TENM4: variants seen among roughly 807,000 people sequenced by gnomAD.
TENM4 encodes the protein teneurin-4.
TENM4 carries 82 observed loss-of-function variants against 243.3 expected under a neutral mutation model. The ratio of observed to expected loss-of-function variants is 0.34; its 90% CI spans 0.28 to 0.40. TENM4 has a LOEUF of 0.40. TENM4 is among the 10% of genes least tolerant of loss of function. TENM4 has a pLI of 1.00. For synonymous variants in TENM4, 1,412 were observed against 1,456.3 expected, an observed-to-expected ratio of 0.97 and a Z score of 0.69; for missense variants, 3,138 against 3,673.3, an observed-to-expected ratio of 0.85 and a Z score of 3.77.
chr11:78,728,115 C>T (rs1472324785), intron 22 of TENM4, among the ~76,000 whole-genome samples: 2 of 152,136 alleles, frequency 1.3e-5, no homozygotes, highest in Non-Finnish European at 2.9e-5. Flanking sequence ...GGTTATAAGG[C>T]CTCATTTTAA....
chr11:79,135,421 C>T (rs1862088344), intron 4 of TENM4, among the ~76,000 whole-genome samples: 1 of 151,832 alleles, frequency 6.6e-6, no homozygotes, highest in African/African-American at 2.4e-5. Context: ...ACTAGTACAG[C>T]CACTATGGAA....
At chr11:79,057,853 T>C (rs1859980866) in intron 6 of TENM4, among the ~76,000 whole-genome samples, 1 of 152,152 alleles carries the variant, frequency 6.6e-6, no homozygotes, top group African/African-American at 2.4e-5. Flanking sequence ...CTTCTCTTGG[T>C]TTACCCCCAA....
chr11:79,192,163 C>G lies in TENM4; in HGVS notation c.-163+23645G>C, dbSNP rs796269961. The stretch of plus-strand genomic sequence containing the variant: ...GAGGTGGGGGGGTCAGCCCCCTGCC[C>G]GGCCAGCTGCCCGGTCTGGGAGCTG... On this transcript the variant is annotated intron_variant, in intron 3 of 33. Transcript: ENST00000278550. Among the ~76,000 whole-genome samples, 12 of 151,774 alleles carry G rather than the reference C, an allele frequency of 7.9e-5. No homozygotes were observed. In the South Asian group the frequency reaches 1.7e-3, roughly 21 times the overall value.
chr11:78,670,536 G>C lies in TENM4; in HGVS notation c.5809C>G (p.Leu1937Val), dbSNP rs192931562. The change falls in exon 32 of 34, where the codon CTA becomes GTA. Residue 1937 changes from leucine (L) to valine (V), a missense_variant. Around this residue, in one of 2 missense-constraint regions of TENM4, gnomAD observed 2,467 missense variants for 3,059.1 expected, o/e 0.81. Transcript: ENST00000278550. Reference protein sequence around the residue: ...TYLEKSMVLLLHSQRQYIFEF... With the variant: ...TYLEKSMVLLVHSQRQYIFEF... ...AAGATATACTGCCTCTGGCTGTGTA[G>C]TAGCAGCACCATGGACTGGAGGGAG... The C allele has an allele frequency of 2.5e-3, 3,960 of 1,607,638 alleles. 67 individuals carry two copies. Among genetic ancestry groups the C allele is most frequent in the East Asian group, 4.5e-4 (20 of 44,836 alleles).
intron 1 of TENM4, among the ~76,000 whole-genome samples, chr11:79,365,297 A>C (rs1274738189): frequency 6.6e-6 from 1 of 152,082 alleles, no homozygotes; most frequent in African/African-American, 2.4e-5. Context: ...ATGAAGGAAA[A>C]TCCCAGCCCA....
chr11:79,334,601 A>T (rs1857117738), intron 1 of TENM4, among the ~76,000 whole-genome samples: 1 of 152,138 alleles, frequency 6.6e-6, no homozygotes, highest in Non-Finnish European at 1.5e-5. Context: ...CCTGTCTCCA[A>T]CCATCCTCAG....
chr11:79,051,518 A>C (rs1301830286), intron 6 of TENM4, among the ~76,000 whole-genome samples: 1 of 152,234 alleles, frequency 6.6e-6, no homozygotes, highest in Non-Finnish European at 1.5e-5. Context: ...TCCTGTCTCC[A>C]TCAGGTAATA....
At chr11:79,064,544 A>G (rs1860188973) in intron 6 of TENM4, 194 bp downstream of exon 6, 1 of 717,306 alleles carries the variant, frequency 1.4e-6, no homozygotes, top group Admixed American at 2.9e-5. Flanking sequence ...GCAGCGACCC[A>G]ATCTCTGGCA....
chr11:78,709,921 C>T (rs1285713342), intron 26 of TENM4, among the ~76,000 whole-genome samples: 2 of 152,268 alleles, frequency 1.3e-5, no homozygotes, highest in Non-Finnish European at 2.9e-5. Flanking sequence ...CAGACATAAC[C>T]ATGAACTGTC....
intron 2 of TENM4, among the ~76,000 whole-genome samples, chr11:79,257,664 G>C (rs1375969739): frequency 6.6e-6 from 1 of 152,192 alleles, no homozygotes; most frequent in Non-Finnish European, 1.5e-5. Flanking sequence ...CAGGGAGGTT[G>C]AGAGCCTCCT....
At chr11:79,163,586 T>C (rs1792391620) in intron 3 of TENM4, among the ~76,000 whole-genome samples, 1 of 151,922 alleles carries the variant, frequency 6.6e-6, no homozygotes. Flanking sequence ...TGTACCATTC[T>C]TATGCCTTTG....
At chr11:78,998,518 T>A (rs1858232764) in intron 6 of TENM4, among the ~76,000 whole-genome samples, 1 of 152,048 alleles carries the variant, frequency 6.6e-6, no homozygotes, top group Non-Finnish European at 1.5e-5. Flanking sequence ...TTTCTGGAAA[T>A]TGACAAAAGG....
intron 7 of TENM4, among the ~76,000 whole-genome samples, chr11:78,900,708 A>T (rs1481508543): frequency 6.6e-6 from 1 of 152,168 alleles, no homozygotes; most frequent in Non-Finnish European, 1.5e-5. Context: ...GATGTTAGGG[A>T]ACTTGGCCAG....
At chr11:79,011,897 C>A in intron 6 of TENM4, among the ~76,000 whole-genome samples, 1 of 152,202 alleles carries the variant, frequency 6.6e-6, no homozygotes, top group Non-Finnish European at 1.5e-5. Flanking sequence ...AGACTAAATA[C>A]CGATACAGTT....
At chr11:79,052,712 G>C (rs560389023) in intron 6 of TENM4, among the ~76,000 whole-genome samples, 2 of 152,292 alleles carry the variant, frequency 1.3e-5, no homozygotes, top group East Asian at 3.9e-4. Context: ...TCTTGGGGTC[G>C]CCATCTGCTG....
At chr11:78,971,504 T>C (rs1426812050) in intron 6 of TENM4, among the ~76,000 whole-genome samples, 1 of 152,158 alleles carries the variant, frequency 6.6e-6, no homozygotes, top group East Asian at 1.9e-4. Context: ...GGTTTCACCA[T>C]GTTGGCCAGG....
intron 14 of TENM4, among the ~76,000 whole-genome samples, chr11:78,810,871 C>CA (rs915961635): frequency 3.4e-4 from 52 of 152,250 alleles, no homozygotes; most frequent in African/African-American, 1.3e-3. Context: ...GGGAAGGTGC[C>CA]AGGGTGCTAG....
rs771299920 is a variant in TENM4 at position 79,008,081 on chromosome 11, CTG to C, written c.493+56655_493+56656del. ...GGGTGCTAAAAATTTTTATGGCTGG[CTG>C]GGATTCGTTGGAAGCGCCAAGCTGG... On this transcript the variant is annotated intron_variant, in intron 6 of 33. Transcript: ENST00000278550. Among the ~76,000 whole-genome samples the C allele has an allele frequency of 2.7e-3, 418 of 152,238 alleles. 3 individuals carry two copies. Among genetic ancestry groups the C allele is most frequent in the Admixed American group, 4.5e-3 (69 of 15,284 alleles).
chr11:78,903,110 T>G (rs991783248), intron 7 of TENM4, among the ~76,000 whole-genome samples, 158 bp downstream of exon 7: 8 of 152,162 alleles, frequency 5.3e-5, no homozygotes, highest in African/African-American at 1.7e-4. Context: ...AAGCCCATGC[T>G]GGCAGTCAGG....
Sources: gnomAD v4.1 joint callset for allele counts (sites outside exome capture counted in the v4.1 genomes callset) on GRCh38, gnomAD v4.1.1 for gene constraint, gnomAD v4.1.1 regional missense constraint, MANE v1.5 for transcripts, NCBI Gene and HGNC (gene_info 2026-07-23, HGNC 2026-07-21) for gene names.